Variants in GRB10 observed in about 807,000 individuals in gnomAD.
GRB10 encodes the protein growth factor receptor-bound protein 10.
A neutral mutation model predicts 80.9 loss-of-function variants in GRB10; 20 were observed. The observed-to-expected ratio is 0.25, with a 90% CI of 0.17 to 0.36. The LOEUF is 0.36. Among genes scored for constraint, GRB10 ranks in the 10% least tolerant of loss-of-function variants. The probability of loss-of-function intolerance (pLI) is 1.00; values close to 1 mark genes in which losing one functional copy is unlikely to be tolerated. For missense variants in GRB10, 548 were observed against 747.7 expected (o/e 0.73, Z 3.12); for synonymous variants, 291 against 291.5 (o/e 1.00, Z 0.02).
intron 13 of GRB10, among the ~76,000 whole-genome samples, chr7:50,612,475 AC>A (rs1205129103): frequency 6.6e-6 from 1 of 151,786 alleles, no homozygotes. Flanking sequence ...TGTCCCCCAG[AC>A]CCCCGACAAA....
chr7:50,788,604 C>T (rs1343409311), intron 1 of GRB10, among the ~76,000 whole-genome samples: 1 of 152,208 alleles, frequency 6.6e-6, no homozygotes, highest in Admixed American at 6.5e-5. Flanking sequence ...CAACACACGC[C>T]AAAGTGCCAA....
chr7:50,692,307 C>T (rs944759976), intron 5 of GRB10, among the ~76,000 whole-genome samples: 24 of 152,140 alleles, frequency 1.6e-4, no homozygotes, highest in African/African-American at 4.3e-4. Context: ...CACACACACA[C>T]GCACACATAT....
chr7:50,715,061 T>C (rs905319022), intron 4 of GRB10, among the ~76,000 whole-genome samples: 1 of 151,976 alleles, frequency 6.6e-6, no homozygotes, highest in Non-Finnish European at 1.5e-5. Flanking sequence ...TCCTTGGTGG[T>C]GGCTTTTCCT....
chr7:50,695,245 T>C (rs902415723), intron 5 of GRB10, among the ~76,000 whole-genome samples: 1 of 152,238 alleles, frequency 6.6e-6, no homozygotes, highest in Non-Finnish European at 1.5e-5. Context: ...ATTTTCCAAC[T>C]AGTGGTGCCA....
chr7:50,762,215 A>G (rs2075844018), intron 2 of GRB10, among the ~76,000 whole-genome samples: 1 of 151,796 alleles, frequency 6.6e-6, no homozygotes. Context: ...AACCCTCCCC[A>G]GCCCTTCTGC....
intron 4 of GRB10, 57 bp downstream of exon 4, chr7:50,732,214 GC>G (rs1189322391): frequency 1.3e-6 from 2 of 1,530,996 alleles, no homozygotes; most frequent in Non-Finnish European, 1.8e-6. Context: ...CGACATGTGT[GC>G]CCTGGCCCTC....
chr7:50,688,791 G>T (rs1022607354), intron 5 of GRB10, among the ~76,000 whole-genome samples: 2 of 151,988 alleles, frequency 1.3e-5, no homozygotes, highest in African/African-American at 4.8e-5. Context: ...GGGTGGGTGA[G>T]GGGGGGCAGA....
intron 7 of GRB10, among the ~76,000 whole-genome samples, chr7:50,627,794 A>T (rs1276489659): frequency 6.6e-6 from 1 of 152,266 alleles, no homozygotes; most frequent in Non-Finnish European, 1.5e-5. Context: ...TCAGAGGAGC[A>T]AGATGGCATT....
intron 2 of GRB10, among the ~76,000 whole-genome samples, chr7:50,777,285 T>G (rs2077762046): frequency 6.6e-6 from 1 of 152,068 alleles, no homozygotes; most frequent in Non-Finnish European, 1.5e-5. Flanking sequence ...CCTCAGGCCC[T>G]TTTAAAAGGG....
At chr7:50,656,241 A>C (rs568918585) in intron 7 of GRB10, among the ~76,000 whole-genome samples, 2 of 152,314 alleles carry the variant, frequency 1.3e-5, no homozygotes, top group South Asian at 4.1e-4. Flanking sequence ...TGAGGGGTTT[A>C]GACAAGCAGA....
chr7:50,606,439 T>G, intron 13 of GRB10, 25 bp from the exon 14 acceptor site: 6 of 1,593,454 alleles, frequency 3.8e-6, no homozygotes, highest in Non-Finnish European at 4.3e-6. Flanking sequence ...CCACAGTTAG[T>G]CACCGGCCCG....
intron 5 of GRB10, among the ~76,000 whole-genome samples, chr7:50,685,294 G>A (rs2061988096): frequency 6.6e-6 from 1 of 152,142 alleles, no homozygotes; most frequent in South Asian, 2.1e-4. Flanking sequence ...CTTTGGAAAA[G>A]GATTTACAAG....
intron 7 of GRB10, among the ~76,000 whole-genome samples, chr7:50,631,026 A>C (rs1447461311): frequency 6.6e-6 from 1 of 152,150 alleles, no homozygotes; most frequent in Admixed American, 6.5e-5. Context: ...CCACGGCCCC[A>C]AACTCCACTC....
intron 5 of GRB10, among the ~76,000 whole-genome samples, chr7:50,685,347 C>T (rs2061995509): frequency 6.6e-6 from 1 of 152,178 alleles, no homozygotes; most frequent in African/African-American, 2.4e-5. Context: ...ACTGTTTTTA[C>T]TACTTCTGGA....
chr7:50,622,726 C>T (rs1217246866), intron 8 of GRB10, among the ~76,000 whole-genome samples: 1 of 151,974 alleles, frequency 6.6e-6, no homozygotes, highest in African/African-American at 2.4e-5. Context: ...TTTTCAAGTT[C>T]AGGGGGCATC....
intron 5 of GRB10, among the ~76,000 whole-genome samples, chr7:50,675,898 C>A (rs1315648469): frequency 6.6e-6 from 1 of 152,200 alleles, no homozygotes; most frequent in Non-Finnish European, 1.5e-5. Context: ...GGCTGCACTC[C>A]TGCTCAGGGA....
At chr7:50,703,482 T>A (rs570593385) in intron 5 of GRB10, among the ~76,000 whole-genome samples, 13 of 152,324 alleles carry the variant, frequency 8.5e-5, no homozygotes, top group African/African-American at 2.6e-4. Context: ...AAAACCGTCT[T>A]AATTGGAAAC....
chr7:50,632,229 A>T (rs1019501389), intron 7 of GRB10, among the ~76,000 whole-genome samples: 2 of 152,206 alleles, frequency 1.3e-5, no homozygotes, highest in Non-Finnish European at 2.9e-5. Context: ...ATATGGCTCT[A>T]CTCACCATAA....
chr7:50,629,246 C>T (rs534701941), intron 7 of GRB10, among the ~76,000 whole-genome samples: 1 of 152,250 alleles, frequency 6.6e-6, no homozygotes, highest in Non-Finnish European at 1.5e-5. Context: ...ATCAGCCATG[C>T]CAATGGTTTT....
Sources: gnomAD v4.1 joint callset for allele counts (sites outside exome capture counted in the v4.1 genomes callset) on GRCh38, gnomAD v4.1.1 for gene constraint, MANE v1.5 for transcripts, NCBI Gene and HGNC (gene_info 2026-07-23, HGNC 2026-07-21) for gene names.